Variants in PARD3B observed in about 807,000 individuals in gnomAD.
The protein encoded by PARD3B is par-3 family cell polarity regulator beta.
Under a neutral mutation model 130.2 loss-of-function variants are expected in PARD3B, and 103 were observed. The observed-to-expected ratio is 0.79, with a 90% CI of 0.67 to 0.93. The LOEUF (loss-of-function observed/expected upper bound fraction) is 0.93, where lower values mean the gene tolerates loss of function less well. PARD3B is among the 40% of genes least tolerant of loss of function. The pLI is 0.00. For missense variants in PARD3B, 1,609 were observed against 1,499.2 expected (o/e 1.07, Z -1.21); for synonymous variants, 583 against 553.2 (o/e 1.05, Z -0.76).
intron 2 of PARD3B, among the ~76,000 whole-genome samples, chr2:204,758,636 T>A (rs2125403273): frequency 6.6e-6 from 1 of 152,324 alleles, no homozygotes; most frequent in African/African-American, 2.4e-5. Flanking sequence ...TAAGGCTCTT[T>A]GGCAGATTTC....
At chr2:204,969,173 A>G (rs752178797) in intron 3 of PARD3B, among the ~76,000 whole-genome samples, 2 of 152,234 alleles carry the variant, frequency 1.3e-5, no homozygotes, top group Non-Finnish European at 2.9e-5. Flanking sequence ...CACATGATCT[A>G]TTTGGACTTA....
At chr2:205,456,887 A>C (rs2048294998) in intron 20 of PARD3B, among the ~76,000 whole-genome samples, 1 of 149,960 alleles carries the variant, frequency 6.7e-6, no homozygotes, top group South Asian at 2.1e-4. Context: ...ATTAAATTGA[A>C]TAATCAATTT....
intron 3 of PARD3B, among the ~76,000 whole-genome samples, chr2:205,038,044 C>T (rs2125387406): frequency 6.6e-6 from 1 of 152,208 alleles, no homozygotes; most frequent in Admixed American, 6.5e-5. Flanking sequence ...AGGATTACAA[C>T]TGATTGCAGT....
intron 2 of PARD3B, among the ~76,000 whole-genome samples, chr2:204,712,949 G>A (rs1249980108): frequency 6.6e-6 from 1 of 152,030 alleles, no homozygotes; most frequent in Non-Finnish European, 1.5e-5. Flanking sequence ...GTTATTGTAT[G>A]CATTCTTCTG....
intron 3 of PARD3B, among the ~76,000 whole-genome samples, chr2:205,032,619 T>C (rs966466916): frequency 2.0e-5 from 3 of 152,172 alleles, no homozygotes; most frequent in African/African-American, 7.2e-5. Context: ...GATTGAGCTT[T>C]ATTTGATTAA....
chr2:205,259,824 C>T (rs932142961), intron 16 of PARD3B, among the ~76,000 whole-genome samples: 1 of 152,010 alleles, frequency 6.6e-6, no homozygotes, highest in Non-Finnish European at 1.5e-5. Context: ...AGAAATGCTT[C>T]GGATTTCAAA....
intron 1 of PARD3B, among the ~76,000 whole-genome samples, chr2:204,580,853 G>A (rs1449752556): frequency 1.3e-5 from 2 of 152,164 alleles, no homozygotes; most frequent in Admixed American, 6.5e-5. Context: ...AAAGGAGTTG[G>A]GGGAGTAGAA....
At chr2:204,818,378 G>A (rs1284955294) in intron 2 of PARD3B, among the ~76,000 whole-genome samples, 1 of 152,070 alleles carries the variant, frequency 6.6e-6, no homozygotes, top group Non-Finnish European at 1.5e-5. Context: ...GAAGATATAA[G>A]GTGTTTATTA....
At chr2:204,898,735 A>C (rs920360543) in intron 2 of PARD3B, among the ~76,000 whole-genome samples, 1 of 152,144 alleles carries the variant, frequency 6.6e-6, no homozygotes, top group East Asian at 1.9e-4. Context: ...GTCAGTAGCT[A>C]TTATTGTAAT....
chr2:205,370,985 T>A (rs13015412), intron 18 of PARD3B, among the ~76,000 whole-genome samples: 1 of 151,916 alleles, frequency 6.6e-6, no homozygotes, highest in South Asian at 2.1e-4. Context: ...TGTGGGCACC[T>A]TGCTATTGCT....
chr2:205,004,878 C>T (rs1027679489), intron 3 of PARD3B, among the ~76,000 whole-genome samples: 2 of 152,100 alleles, frequency 1.3e-5, no homozygotes, highest in South Asian at 2.1e-4. Flanking sequence ...AATCTCTCCC[C>T]CTCAGTATAC....
At chr2:205,010,706 A>G (rs967713254) in intron 3 of PARD3B, among the ~76,000 whole-genome samples, 3 of 151,998 alleles carry the variant, frequency 2.0e-5, no homozygotes, top group African/African-American at 7.2e-5. Flanking sequence ...GTATGCTTCT[A>G]TTCTCTTTTT....
At chr2:204,651,505 T>C (rs2035478966) in intron 1 of PARD3B, among the ~76,000 whole-genome samples, 1 of 152,246 alleles carries the variant, frequency 6.6e-6, no homozygotes, top group African/African-American at 2.4e-5. Context: ...GCTCTGCCCC[T>C]GTGGCTCTGC....
chr2:204,998,399 T>TAAAGA (rs1559341725), intron 3 of PARD3B, among the ~76,000 whole-genome samples: 6 of 73,436 alleles, frequency 8.2e-5, no homozygotes, highest in Non-Finnish European at 1.4e-4. Flanking sequence ...TATATATGTA[T>TAAAGA]ATATGTGTAT....
intron 22 of PARD3B, among the ~76,000 whole-genome samples, chr2:205,561,398 G>T (rs1266474515): frequency 6.6e-6 from 1 of 152,070 alleles, no homozygotes. Flanking sequence ...AGAACATTAG[G>T]TAAACAGGTG....
intron 16 of PARD3B, among the ~76,000 whole-genome samples, chr2:205,271,494 G>C (rs752713731): frequency 6.6e-6 from 1 of 152,122 alleles, no homozygotes; most frequent in African/African-American, 2.4e-5. Context: ...CACACACACA[G>C]ACAAATATAC....
intron 19 of PARD3B, among the ~76,000 whole-genome samples, chr2:205,434,690 G>T (rs960730292): frequency 2.0e-5 from 3 of 152,072 alleles, no homozygotes; most frequent in Non-Finnish European, 4.4e-5. Flanking sequence ...ATTAGGAAAA[G>T]CAGTTGATTT....
At chr2:205,162,588 A>C (rs952523542) in intron 11 of PARD3B, among the ~76,000 whole-genome samples, 6 of 152,282 alleles carry the variant, frequency 3.9e-5, no homozygotes, top group Admixed American at 3.3e-4. Flanking sequence ...AAATACAAGC[A>C]TATATGTCAA....
At chr2:205,115,765 T>C (rs1703978377) in intron 6 of PARD3B, among the ~76,000 whole-genome samples, 1 of 152,194 alleles carries the variant, frequency 6.6e-6, no homozygotes, top group Non-Finnish European at 1.5e-5. Flanking sequence ...GACTTCATAA[T>C]GCCATATGGT....
Sources: gnomAD v4.1 joint callset for allele counts (sites outside exome capture counted in the v4.1 genomes callset) on GRCh38, gnomAD v4.1.1 for gene constraint, MANE v1.5 for transcripts, NCBI Gene and HGNC (gene_info 2026-07-23, HGNC 2026-07-21) for gene names.